The following CREB5 variants were observed in gnomAD, a reference collection of about 807,000 sequenced individuals.
The protein encoded by CREB5 is cyclic AMP-responsive element-binding protein 5.
CREB5 carries 19 observed loss-of-function variants against 57.1 expected under a neutral mutation model. That is an observed-to-expected ratio of 0.33 (90% CI 0.23 to 0.49). The LOEUF is 0.49. CREB5 is among the 20% of genes least tolerant of loss of function. The pLI is 0.99. For synonymous variants in CREB5, 238 were observed against 238.3 expected, an observed-to-expected ratio of 1.00 and a Z score of 0.01; for missense variants, 579 against 671.6, an observed-to-expected ratio of 0.86 and a Z score of 1.52.
chr7:28,607,388 T>C (rs1797178542), intron 5 of CREB5, among the ~76,000 whole-genome samples: 1 of 152,110 alleles, frequency 6.6e-6, no homozygotes, highest in African/African-American at 2.4e-5. Context: ...AGTGTTTGCA[T>C]ACACTCACTG....
chr7:28,637,536 G>A (rs1798472289), intron 5 of CREB5, among the ~76,000 whole-genome samples: 1 of 152,170 alleles, frequency 6.6e-6, no homozygotes, highest in Non-Finnish European at 1.5e-5. Flanking sequence ...GGGCAGAAGG[G>A]GAGGGAGAGA....
intron 5 of CREB5, among the ~76,000 whole-genome samples, chr7:28,584,883 A>G (rs1319032412): frequency 6.6e-6 from 1 of 152,056 alleles, no homozygotes; most frequent in Admixed American, 6.6e-5. Flanking sequence ...TAAAAACAAG[A>G]CTACTTTCTG....
intron 1 of CREB5, among the ~76,000 whole-genome samples, chr7:28,324,878 A>G (rs1338586572): frequency 1.3e-5 from 2 of 152,228 alleles, no homozygotes; most frequent in Non-Finnish European, 2.9e-5. Context: ...CTCAGTAAAT[A>G]GCCCTGTCAT....
chr7:28,382,012 T>G (rs565279651), intron 1 of CREB5, among the ~76,000 whole-genome samples: 1 of 152,302 alleles, frequency 6.6e-6, no homozygotes, highest in African/African-American at 2.4e-5. Flanking sequence ...TCAGTCCAAG[T>G]CTGAAGGCCT....
At chr7:28,493,001 T>G (rs1195424158) in intron 2 of CREB5, among the ~76,000 whole-genome samples, 1 of 152,134 alleles carries the variant, frequency 6.6e-6, no homozygotes, top group African/African-American at 2.4e-5. Context: ...AATTACCATG[T>G]TTTGCAAAAG....
chr7:28,762,550 C>T lies in CREB5; in HGVS notation c.702+38218C>T, dbSNP rs370644592. 4.2e-4 allele frequency among the ~76,000 whole-genome samples: 64 copies of T among 152,214 alleles called. 1 individual carries two copies. In the South Asian group the frequency reaches 0.013, roughly 30 times the overall value. On this transcript the variant is annotated intron_variant, in intron 7 of 10. Coordinates refer to ENST00000357727, the MANE Select transcript of CREB5 (RefSeq NM_182898.4). ...TAATGCTGTGATAAAATTTGAGTGA[C>T]CATTTGATAATTGTTTGTATTTCTC...
At chr7:28,625,159 C>T (rs1201867882) in intron 5 of CREB5, among the ~76,000 whole-genome samples, 3 of 152,182 alleles carry the variant, frequency 2.0e-5, no homozygotes, top group South Asian at 2.1e-4. Flanking sequence ...AGTTAAGCAA[C>T]TGAATTCAAG....
At chr7:28,721,117 G>A (rs1203291232) in intron 6 of CREB5, among the ~76,000 whole-genome samples, 5 of 152,158 alleles carry the variant, frequency 3.3e-5, no homozygotes, top group Admixed American at 1.3e-4. Flanking sequence ...TTAGAGCAGC[G>A]ATGCTCACCT....
chr7:28,336,560 A>C (rs538175929), intron 1 of CREB5, among the ~76,000 whole-genome samples: 3 of 151,460 alleles, frequency 2.0e-5, no homozygotes, highest in African/African-American at 7.3e-5. Context: ...TTCATGTCTG[A>C]TTTTGTTTAT....
chr7:28,805,093 A>G (rs540508552), intron 8 of CREB5, among the ~76,000 whole-genome samples: 3 of 152,298 alleles, frequency 2.0e-5, no homozygotes, highest in Admixed American at 6.5e-5. Flanking sequence ...TAAATGGTGA[A>G]GAGAGGTGAC....
intron 1 of CREB5, among the ~76,000 whole-genome samples, chr7:28,406,290 A>G (rs1243168062): frequency 6.6e-6 from 1 of 152,220 alleles, no homozygotes; most frequent in Non-Finnish European, 1.5e-5. Flanking sequence ...CCACTGGCCC[A>G]GCTGCCTAGT....
intron 1 of CREB5, among the ~76,000 whole-genome samples, chr7:28,483,891 A>G (rs1253660433): frequency 1.3e-5 from 2 of 152,202 alleles, no homozygotes; most frequent in Admixed American, 1.3e-4. Context: ...AGACTGAGTG[A>G]TCCCCAAAAC....
intron 7 of CREB5, among the ~76,000 whole-genome samples, chr7:28,746,405 G>T (rs979552954): frequency 6.6e-6 from 1 of 152,202 alleles, no homozygotes; most frequent in Non-Finnish European, 1.5e-5. Context: ...AGGCCTTGCT[G>T]CTCAAAGTGG....
At chr7:28,505,305 TTATC>T (rs1353447866) in intron 3 of CREB5, among the ~76,000 whole-genome samples, 8 of 152,204 alleles carry the variant, frequency 5.3e-5, no homozygotes, top group Admixed American at 2.0e-4. Context: ...GAAAACTCCT[TTATC>T]TATATAGCCA....
chr7:28,733,615 G>A (rs910479700), intron 7 of CREB5, among the ~76,000 whole-genome samples: 4 of 152,148 alleles, frequency 2.6e-5, no homozygotes, highest in Non-Finnish European at 4.4e-5. Flanking sequence ...CTTCTTCTAG[G>A]ACAGACTCCA....
intron 4 of CREB5, among the ~76,000 whole-genome samples, chr7:28,558,953 G>A (rs940895888): frequency 6.6e-6 from 1 of 152,098 alleles, no homozygotes. Flanking sequence ...CTCTTGCACC[G>A]CCAGACTAGA....
chr7:28,520,427 G>A (rs536773308), intron 4 of CREB5, among the ~76,000 whole-genome samples: 4 of 152,212 alleles, frequency 2.6e-5, no homozygotes, highest in South Asian at 2.1e-4. Context: ...TTTCCTATCC[G>A]TGGAAAAGAA....
At position 28,819,441 on chromosome 7, in the gene CREB5, T is replaced by A; in HGVS notation, c.*162T>A. On this transcript the variant is annotated 3_prime_UTR_variant, in exon 11 of 11. Coordinates refer to ENST00000357727, the MANE Select transcript of CREB5 (RefSeq NM_182898.4). ...TTATGGAAATGTTGTCTTTTATACTTAGTTATATAAGAAAAAAGGGAGTTA... is the reference window on the plus strand; with the variant it reads ...TTATGGAAATGTTGTCTTTTATACTAAGTTATATAAGAAAAAAGGGAGTTA... 4.4e-6 allele frequency: 3 copies of A among 677,580 alleles called. No individual in the cohort carries two copies. Among genetic ancestry groups the A allele is most frequent in the Non-Finnish European group, 6.9e-6 (3 of 433,316 alleles). 42.0% of individuals were successfully genotyped at this position (677,580 alleles called of 1,614,324 possible). A position where few individuals can be genotyped will look rare whatever the true frequency, so the allele number is the denominator to read the frequency against.
intron 5 of CREB5, among the ~76,000 whole-genome samples, chr7:28,613,510 G>A (rs917102161): frequency 3.9e-5 from 6 of 152,286 alleles, no homozygotes; most frequent in East Asian, 1.9e-4. Flanking sequence ...AGAGTATTTC[G>A]ACTTCATGTG....
Sources: allele counts gnomAD v4.1 joint callset (sites outside exome capture counted in the v4.1 genomes callset), GRCh38; gene constraint gnomAD v4.1.1; transcripts MANE v1.5; gene names NCBI Gene and HGNC (gene_info 2026-07-23, HGNC 2026-07-21).